Variants in CNTNAP2 observed in about 807,000 individuals in gnomAD.
The protein encoded by CNTNAP2 is contactin associated protein 2, also known as contactin-associated protein-like 2.
CNTNAP2 carries 98 observed loss-of-function variants against 155.2 expected under a neutral mutation model. The ratio of observed to expected loss-of-function variants is 0.63; its 90% CI spans 0.54 to 0.75. The LOEUF is 0.75. CNTNAP2 is among the 30% of genes least tolerant of loss of function. The probability of loss-of-function intolerance (pLI) is 0.00; values close to 1 mark genes in which losing one functional copy is unlikely to be tolerated. For synonymous variants in CNTNAP2, 651 were observed against 631.2 expected (o/e 1.03, Z -0.47); for missense variants, 1,727 against 1,688.1 (o/e 1.02, Z -0.40).
intron 9 of CNTNAP2, among the ~76,000 whole-genome samples, chr7:147,333,708 GTTC>G (rs1330555050): frequency 2.6e-5 from 4 of 152,008 alleles, no homozygotes; most frequent in Admixed American, 2.0e-4. Context: ...ATTTATCCTA[GTTC>G]TTCTTTATTA....
At chr7:147,595,580 T>C (rs1194563908) in intron 12 of CNTNAP2, among the ~76,000 whole-genome samples, 1 of 152,224 alleles carries the variant, frequency 6.6e-6, no homozygotes, top group Non-Finnish European at 1.5e-5. Context: ...TGGAAGCAAA[T>C]GATCTAGTGA....
At chr7:148,023,712 T>C (rs1430482528) in intron 15 of CNTNAP2, among the ~76,000 whole-genome samples, 1 of 152,168 alleles carries the variant, frequency 6.6e-6, no homozygotes, top group African/African-American at 2.4e-5. Flanking sequence ...ATGAAGCCAT[T>C]GGATGAAGTT....
At chr7:147,416,722 GTTC>G (rs540602082) in intron 10 of CNTNAP2, among the ~76,000 whole-genome samples, 28 of 152,166 alleles carry the variant, frequency 1.8e-4, no homozygotes, top group Non-Finnish European at 4.0e-4. Context: ...GAGGGCTGCT[GTTC>G]TTCTCTGAAG....
intron 1 of CNTNAP2, among the ~76,000 whole-genome samples, chr7:146,329,627 A>AT (rs1395567276): frequency 6.6e-6 from 1 of 152,114 alleles, no homozygotes; most frequent in East Asian, 1.9e-4. Flanking sequence ...CTCAGCTTCG[A>AT]TTTTTATTAT....
intron 2 of CNTNAP2, among the ~76,000 whole-genome samples, chr7:146,827,165 T>A (rs1803421552): frequency 6.6e-6 from 1 of 152,064 alleles, no homozygotes; most frequent in East Asian, 1.9e-4. Context: ...ATTCTTATAT[T>A]CATTTTGTAG....
intron 21 of CNTNAP2, among the ~76,000 whole-genome samples, chr7:148,306,690 G>A (rs920836228): frequency 6.6e-6 from 1 of 151,958 alleles, no homozygotes; most frequent in Admixed American, 6.6e-5. Flanking sequence ...AGGTATTAAT[G>A]ACGGTTTTCT....
chr7:146,975,519 A>G (rs1469587019), intron 3 of CNTNAP2, among the ~76,000 whole-genome samples: 1 of 152,112 alleles, frequency 6.6e-6, no homozygotes, highest in Non-Finnish European at 1.5e-5. Context: ...CAGGCGCGTA[A>G]TCCACATCAC....
intron 16 of CNTNAP2, among the ~76,000 whole-genome samples, chr7:148,138,476 A>T (rs1350894114): frequency 2.6e-5 from 4 of 152,132 alleles, no homozygotes; most frequent in African/African-American, 7.2e-5. Flanking sequence ...CCTCAAACCA[A>T]CTTAATAAAT....
chr7:147,589,963 A>G (rs1800706648), intron 12 of CNTNAP2, among the ~76,000 whole-genome samples: 1 of 152,168 alleles, frequency 6.6e-6, no homozygotes, highest in Non-Finnish European at 1.5e-5. Flanking sequence ...AGGGCCATAC[A>G]GTCATTATTG....
chr7:147,952,419 G>A (rs1235657285), intron 14 of CNTNAP2, among the ~76,000 whole-genome samples: 1 of 151,708 alleles, frequency 6.6e-6, no homozygotes, highest in African/African-American at 2.4e-5. Flanking sequence ...TCCAGGCAGG[G>A]CGAGAAGAGT....
chr7:146,573,756 T>G (rs1798478920), intron 1 of CNTNAP2, among the ~76,000 whole-genome samples: 1 of 152,148 alleles, frequency 6.6e-6, no homozygotes, highest in African/African-American at 2.4e-5. Context: ...GTCAAATTTT[T>G]TGTGTGTAAA....
At chr7:147,573,260 T>C (rs892664806) in intron 12 of CNTNAP2, among the ~76,000 whole-genome samples, 1 of 152,170 alleles carries the variant, frequency 6.6e-6, no homozygotes, top group African/African-American at 2.4e-5. Flanking sequence ...GTTTGCTGCA[T>C]TTACGTACAG....
chr7:146,745,422 G>A (rs1000527967), intron 1 of CNTNAP2, among the ~76,000 whole-genome samples: 1 of 152,140 alleles, frequency 6.6e-6, no homozygotes, highest in Non-Finnish European at 1.5e-5. Context: ...GTCAGTGGGT[G>A]ATTGAACCAA....
intron 1 of CNTNAP2, among the ~76,000 whole-genome samples, chr7:146,185,550 T>C (rs1038931849): frequency 6.6e-6 from 1 of 152,202 alleles, no homozygotes; most frequent in African/African-American, 2.4e-5. Context: ...TTCTGTACTG[T>C]GAGCTCCTCC....
At chr7:146,705,527 G>C (rs1461833034) in intron 1 of CNTNAP2, among the ~76,000 whole-genome samples, 1 of 151,898 alleles carries the variant, frequency 6.6e-6, no homozygotes, top group African/African-American at 2.4e-5. Flanking sequence ...CAATCTTCTT[G>C]GTACAACGTA....
chr7:147,382,891 C>G (rs1208023250), intron 9 of CNTNAP2, among the ~76,000 whole-genome samples: 1 of 151,798 alleles, frequency 6.6e-6, no homozygotes, highest in African/African-American at 2.4e-5. Context: ...GAGAGTGGCA[C>G]CTTCTCAAAC....
chr7:146,724,966 C>G (rs920902560), intron 1 of CNTNAP2, among the ~76,000 whole-genome samples: 2 of 152,084 alleles, frequency 1.3e-5, no homozygotes, highest in Non-Finnish European at 2.9e-5. Context: ...TGTATTCTCT[C>G]ACAGTGTGGA....
Position 147,344,633 on chromosome 7 carries a change from C to T in CNTNAP2, c.1498+44343C>T, listed in dbSNP as rs899036307. On this transcript the variant is annotated intron_variant, in intron 9 of 23. Transcript: ENST00000361727. ...CCCCATGATAAAACTTTTGTAGATA[C>T]TTCAGCATTATGCAAATGATTGATC... is the stretch of plus-strand genomic sequence containing the variant. Among the ~76,000 whole-genome samples the T allele has an allele frequency of 2.0e-5, 3 of 152,090 alleles. No individual in the cohort carries two copies. The South Asian group carries it at 6.2e-4, about 32-fold the overall frequency.
chr7:147,695,165 T>G (rs138002728), intron 13 of CNTNAP2, among the ~76,000 whole-genome samples: 2,512 of 152,346 alleles, frequency 0.016, 223 homozygotes, highest in Admixed American at 0.15. Context: ...CTATCTTTCT[T>G]TTATTGATTT....
Sources: allele counts gnomAD v4.1 joint callset (sites outside exome capture counted in the v4.1 genomes callset), GRCh38; gene constraint gnomAD v4.1.1; transcripts MANE v1.5; gene names NCBI Gene and HGNC (gene_info 2026-07-23, HGNC 2026-07-21).